Variants in MYLK observed in about 807,000 individuals in gnomAD.
The protein encoded by MYLK is myosin light chain kinase.
Under a neutral mutation model 203.4 loss-of-function variants are expected in MYLK, and 106 were observed. The observed-to-expected ratio is 0.52, with a 90% CI of 0.45 to 0.61. The LOEUF (loss-of-function observed/expected upper bound fraction) is 0.61, where lower values mean the gene tolerates loss of function less well. Among genes scored for constraint, MYLK ranks in the 20% least tolerant of loss-of-function variants. MYLK has a pLI of 0.00. For synonymous variants in MYLK, 867 were observed against 959.5 expected (o/e 0.90, Z 1.78); for missense variants, 2,072 against 2,442.3 (o/e 0.85, Z 3.20).
chr3:123,736,685 C>T (rs888185625), intron 8 of MYLK, among the ~76,000 whole-genome samples: 5 of 152,178 alleles, frequency 3.3e-5, no homozygotes, highest in African/African-American at 1.2e-4. Flanking sequence ...GAAGGATCGC[C>T]TGACTTGAAA....
chr3:123,736,796 A>G (rs1013923299), intron 8 of MYLK, among the ~76,000 whole-genome samples: 3 of 152,144 alleles, frequency 2.0e-5, no homozygotes, highest in African/African-American at 7.2e-5. Flanking sequence ...CAGATACAAA[A>G]GGGAGTCCGG....
intron 3 of MYLK, among the ~76,000 whole-genome samples, chr3:123,827,702 T>C (rs2066170994): frequency 4.7e-5 from 1 of 21,328 alleles, no homozygotes; most frequent in South Asian, 1.7e-3. Flanking sequence ...ACCATATATA[T>C]ATATATATAT....
rs559798384 is a variant in MYLK, at chr3:123,864,805, T to C, written c.-127+11754A>G. Among the ~76,000 whole-genome samples the C allele has an allele frequency of 2.0e-5, 3 of 152,178 alleles. No homozygotes were observed. In the South Asian group the frequency reaches 6.2e-4, roughly 32 times the overall value. ...CTGTAGCTCCAGCTACTCGGGAAGC[T>C]AAAAGCAGGAGGATCGTTTGAGCCC... On this transcript the variant is annotated intron_variant, in intron 2 of 33. Coordinates refer to ENST00000360304, the MANE Select transcript of MYLK (RefSeq NM_053025.4).
intron 4 of MYLK, among the ~76,000 whole-genome samples, chr3:123,768,318 T>C (rs1023803892): frequency 6.6e-6 from 1 of 152,194 alleles, no homozygotes; most frequent in African/African-American, 2.4e-5. Context: ...AAAAAAGCAA[T>C]GTTTCCCTGG....
intron 4 of MYLK, 52 bp from the exon 5 acceptor site, chr3:123,752,590 C>G: frequency 6.5e-7 from 1 of 1,530,320 alleles, no homozygotes; most frequent in Non-Finnish European, 8.9e-7. Context: ...AGTACTCTCT[C>G]TGTGTCAGGT....
chr3:123,792,369 A>G (rs768999971), intron 4 of MYLK, among the ~76,000 whole-genome samples: 6 of 152,342 alleles, frequency 3.9e-5, no homozygotes, highest in Non-Finnish European at 5.9e-5. Flanking sequence ...GAAAAGTTGT[A>G]CAACCACCAG....
At chr3:123,816,049 C>A (rs993928069) in intron 3 of MYLK, among the ~76,000 whole-genome samples, 2 of 152,218 alleles carry the variant, frequency 1.3e-5, no homozygotes, top group Non-Finnish European at 2.9e-5. Flanking sequence ...ATCTTTGGAT[C>A]TGCACACAGT....
chr3:123,859,670 A>C (rs1295006020), intron 2 of MYLK, among the ~76,000 whole-genome samples: 3 of 152,268 alleles, frequency 2.0e-5, no homozygotes, highest in Non-Finnish European at 4.4e-5. Context: ...TCAAGGAGTA[A>C]AAGACAAATC....
intron 4 of MYLK, among the ~76,000 whole-genome samples, chr3:123,767,121 T>G (rs72972321): frequency 6.6e-6 from 1 of 152,212 alleles, no homozygotes; most frequent in Non-Finnish European, 1.5e-5. Context: ...CTCCCGCCAG[T>G]GTCCCTTTCA....
At position 123,650,143 on chromosome 3, in the gene MYLK, C is replaced by T. The variant is rs183989983; in HGVS notation, c.4289-949G>A. 2.8e-4 allele frequency among the ~76,000 whole-genome samples: 43 copies of T among 152,248 alleles called. No individual in the cohort carries two copies. The East Asian group carries it at 6.2e-3, about 22-fold the overall frequency. On this transcript the variant is annotated intron_variant, in intron 24 of 33. Coordinates refer to ENST00000360304, the MANE Select transcript of MYLK (RefSeq NM_053025.4). ...CGATACAGGTTTGTTTGTTGACAAT[C>T]GAGCCACTCTGGCTTCCTGACCTTG...
rs532030888 is a variant in MYLK, at chr3:123,858,034, G to C, written c.-127+18525C>G. Among the ~76,000 whole-genome samples, 5 of 152,254 alleles carry C rather than the reference G, an allele frequency of 3.3e-5. No individual in the cohort carries two copies. In the South Asian group the frequency reaches 1.0e-3, roughly 32 times the overall value. On this transcript the variant is annotated intron_variant, in intron 2 of 33. Coordinates refer to ENST00000360304, the MANE Select transcript of MYLK (RefSeq NM_053025.4). ...TAAACCGAAGGACAAAGGACTTTTG[G>C]GTACCCGCTGGTATTGGATTCTGGG...
intron 2 of MYLK, among the ~76,000 whole-genome samples, chr3:123,843,485 T>A (rs2066642680): frequency 6.6e-6 from 1 of 152,116 alleles, no homozygotes; most frequent in South Asian, 2.1e-4. Flanking sequence ...ATTCATGTTC[T>A]AATAGGAATA....
At chr3:123,734,245 GTAGGGT>G in intron 9 of MYLK, 23 bp from the exon 10 acceptor site, 4 of 489,710 alleles carry the variant, frequency 8.2e-6, no homozygotes, top group South Asian at 1.8e-5. Flanking sequence ...GAGGGTGGGG[GTAGGGT>G]GGGTGAGGAG....
At chr3:123,828,287 C>A (rs2066203920) in intron 3 of MYLK, among the ~76,000 whole-genome samples, 1 of 151,990 alleles carries the variant, frequency 6.6e-6, no homozygotes, top group African/African-American at 2.4e-5. Flanking sequence ...ATAGAGAACC[C>A]AGAAATTAAT....
chr3:123,615,555 A>T (rs1322882701), intron 33 of MYLK, among the ~76,000 whole-genome samples: 2 of 151,894 alleles, frequency 1.3e-5, no homozygotes, highest in African/African-American at 4.8e-5. Context: ...GCTGGTCTGT[A>T]TCTCCTGACC....
intron 2 of MYLK, among the ~76,000 whole-genome samples, chr3:123,872,143 C>G (rs1397558192): frequency 1.3e-5 from 2 of 152,124 alleles, no homozygotes; most frequent in African/African-American, 2.4e-5. Context: ...ACTTATCCAT[C>G]TATTGTCTGT....
intron 4 of MYLK, among the ~76,000 whole-genome samples, chr3:123,773,078 A>G (rs2063940945): frequency 6.6e-6 from 1 of 152,156 alleles, no homozygotes; most frequent in Non-Finnish European, 1.5e-5. Flanking sequence ...TATTTAAAAG[A>G]TTAAATATTA....
intron 5 of MYLK, among the ~76,000 whole-genome samples, chr3:123,749,249 C>T (rs2063122138): frequency 6.6e-6 from 1 of 150,846 alleles, no homozygotes; most frequent in Admixed American, 6.6e-5. Context: ...ACTGCACTCT[C>T]GTCTGAGCAA....
intron 2 of MYLK, among the ~76,000 whole-genome samples, chr3:123,865,876 C>T (rs1250858900): frequency 6.6e-6 from 1 of 152,176 alleles, no homozygotes; most frequent in Non-Finnish European, 1.5e-5. Flanking sequence ...AGGGAGTCTT[C>T]ACCTGGCTCT....
Sources: gnomAD v4.1 joint callset for allele counts (sites outside exome capture counted in the v4.1 genomes callset) on GRCh38, gnomAD v4.1.1 for gene constraint, MANE v1.5 for transcripts, NCBI Gene and HGNC (gene_info 2026-07-23, HGNC 2026-07-21) for gene names.